LHPP: variants seen among roughly 807,000 people sequenced by gnomAD.
LHPP encodes phospholysine phosphohistidine inorganic pyrophosphate phosphatase.
In LHPP, 24 loss-of-function variants were observed where a neutral mutation model predicts 30.3. The observed-to-expected ratio is 0.79, with a 90% CI of 0.57 to 1.11. The LOEUF (loss-of-function observed/expected upper bound fraction) is 1.11. Among genes scored for constraint, LHPP ranks in the 50% most tolerant of loss-of-function variants. LHPP has a pLI of 0.00. For synonymous variants in LHPP, 150 were observed against 157.1 expected, an observed-to-expected ratio of 0.95 and a Z score of 0.34; for missense variants, 356 against 367.2, an observed-to-expected ratio of 0.97 and a Z score of 0.25.
chr10:124,510,380 C>T lies in LHPP; in HGVS notation c.625-6800C>T, dbSNP rs1398457228. ...CCTGGACAGGCATCACTGCTCCAGGCAGCTGTGCACCCAGCCGGCCCTGGC... is the reference window on the plus strand; with the variant it reads ...CCTGGACAGGCATCACTGCTCCAGGTAGCTGTGCACCCAGCCGGCCCTGGC... On this transcript the variant is annotated intron_variant, in intron 5 of 6. Coordinates refer to ENST00000368842, the MANE Select transcript of LHPP (RefSeq NM_022126.4). This position sits in a 1 kb window ranked among gnomAD's most constrained non-coding sequence, Gnocchi z 4.0. Among the ~76,000 whole-genome samples, 1 of 152,264 alleles carries T rather than the reference C, an allele frequency of 6.6e-6. No homozygotes were observed. The highest frequency in any genetic ancestry group is 1.9e-4 in the East Asian group (1 of 5,198).
At chr10:124,491,843 T>C (rs1953541501) in intron 3 of LHPP, among the ~76,000 whole-genome samples, 1 of 152,192 alleles carries the variant, frequency 6.6e-6, no homozygotes, top group African/African-American at 2.4e-5. Context: ...GAGAATTGCT[T>C]GAACCTGGGA....
chr10:124,529,060 C>G (rs1300486797), intron 6 of LHPP, among the ~76,000 whole-genome samples: 7 of 122,586 alleles, frequency 5.7e-5, no homozygotes, highest in African/African-American at 1.8e-4. Flanking sequence ...GAGACAGAGT[C>G]TTGCTCTGTC....
At chr10:124,469,940 G>T (rs759958332) in intron 1 of LHPP, among the ~76,000 whole-genome samples, 4 of 152,186 alleles carry the variant, frequency 2.6e-5, no homozygotes, top group African/African-American at 9.7e-5. Context: ...AGGCATCTGG[G>T]CTAAGAGCAT....
chr10:124,581,337 A>G (rs1009699144), intron 6 of LHPP, among the ~76,000 whole-genome samples: 5 of 152,210 alleles, frequency 3.3e-5, no homozygotes, highest in Non-Finnish European at 5.9e-5. Context: ...GCCTTTGGCT[A>G]TTGTGAGTAA....
chr10:124,461,952 C>T lies in LHPP; in HGVS notation c.90C>T (p.Gly30=), dbSNP rs1164695407. 8.1e-7 allele frequency: 1 copy of T among 1,232,404 alleles called. No individual in the cohort carries two copies. 76.3% of individuals were successfully genotyped at this position (1,232,404 alleles called of 1,614,324 possible). The part of the protein sequence containing the change: ...GVLYDSGAGG[G]TAIAGSVEAV... Reference sequence around the variant, plus strand: ...TGTACGACAGCGGCGCGGGCGGCGGCACGGCCATCGCCGGCTCGGTGGAGG... The same window carrying T: ...TGTACGACAGCGGCGCGGGCGGCGGTACGGCCATCGCCGGCTCGGTGGAGG... The change falls in exon 1 of 7, where the codon GGC becomes GGT. Residue 30 remains glycine, a synonymous_variant. Coordinates refer to ENST00000368842, the MANE Select transcript of LHPP (RefSeq NM_022126.4).
In LHPP at chr10:124,537,046, T is replaced by C. The variant is rs966052285; in HGVS notation, c.716+19775T>C. On this transcript the variant is annotated intron_variant, in intron 6 of 6. Coordinates refer to ENST00000368842, the MANE Select transcript of LHPP (RefSeq NM_022126.4). ...GAATAATCTAGCACTTAGAATGTGC[T>C]AGGGAACATACAAGCACTTTTCTCC... Among the ~76,000 whole-genome samples, 8 of 152,246 alleles carry C rather than the reference T, an allele frequency of 5.3e-5. No homozygotes were observed. The East Asian group carries it at 1.5e-3, about 29-fold the overall frequency.
intron 6 of LHPP, among the ~76,000 whole-genome samples, chr10:124,571,943 G>C (rs1948589846): frequency 6.6e-6 from 1 of 152,238 alleles, no homozygotes; most frequent in Non-Finnish European, 1.5e-5. Context: ...AAGACCTAGG[G>C]GGGTGAGTGA....
intron 3 of LHPP, among the ~76,000 whole-genome samples, chr10:124,494,875 A>G (rs1953657527): frequency 6.6e-6 from 1 of 152,068 alleles, no homozygotes; most frequent in South Asian, 2.1e-4. Flanking sequence ...AGTATCCCTG[A>G]GTCCTGCAAA....
chr10:124,470,059 C>T (rs1475555068), intron 1 of LHPP, among the ~76,000 whole-genome samples: 3 of 152,186 alleles, frequency 2.0e-5, no homozygotes, highest in Admixed American at 1.3e-4. Context: ...GGTCACAGGC[C>T]GGAGGACATC....
intron 6 of LHPP, among the ~76,000 whole-genome samples, chr10:124,521,649 C>T (rs1954615125): frequency 6.6e-6 from 1 of 152,170 alleles, no homozygotes; most frequent in Admixed American, 6.5e-5. Context: ...CAGTGAGTAA[C>T]TGCGCTCACA....
chr10:124,474,836 C>G (rs72835586), intron 1 of LHPP, among the ~76,000 whole-genome samples: 1 of 152,070 alleles, frequency 6.6e-6, no homozygotes, highest in Non-Finnish European at 1.5e-5. Flanking sequence ...TAAACTTTCC[C>G]CTCTTTCTAA....
Position 124,610,213 on chromosome 10 carries a change from T to C in LHPP, c.717-3051T>C, listed in dbSNP as rs541768623. On this transcript the variant is annotated intron_variant, in intron 6 of 6. Coordinates refer to ENST00000368842, the MANE Select transcript of LHPP (RefSeq NM_022126.4). ...CCCCTCTCCTAGATCGTAGACACCC[T>C]GTGTGGCATCACAGAATGACACACA... Among the ~76,000 whole-genome samples, 100 of 152,250 alleles carry C rather than the reference T, an allele frequency of 6.6e-4. 1 individual carries two copies. Among genetic ancestry groups the C allele is most frequent in the Non-Finnish European group, 1.6e-4 (11 of 68,038 alleles).
intron 6 of LHPP, among the ~76,000 whole-genome samples, chr10:124,587,210 T>C (rs1948816040): frequency 6.6e-6 from 1 of 151,736 alleles, no homozygotes; most frequent in South Asian, 2.1e-4. Context: ...TATTTTTGTA[T>C]TTTCAGTAGA....
chr10:124,469,511 G>C (rs558179500), intron 1 of LHPP, among the ~76,000 whole-genome samples: 7 of 100,716 alleles, frequency 7.0e-5, no homozygotes, highest in African/African-American at 2.1e-4. Flanking sequence ...CCCCTGAGGT[G>C]GGGGGGGCTT....
At chr10:124,604,296 A>C (rs1949065606) in intron 6 of LHPP, among the ~76,000 whole-genome samples, 1 of 152,102 alleles carries the variant, frequency 6.6e-6, no homozygotes, top group African/African-American at 2.4e-5. Context: ...CCTGCCAGGG[A>C]CCCAGCTCAG....
intron 6 of LHPP, among the ~76,000 whole-genome samples, chr10:124,534,313 G>A (rs1013921872): frequency 2.0e-5 from 3 of 152,236 alleles, no homozygotes; most frequent in African/African-American, 7.2e-5. Flanking sequence ...TTTCTCTACC[G>A]CAGCAGGGCA....
At chr10:124,555,557 G>A (rs1948283547) in intron 6 of LHPP, among the ~76,000 whole-genome samples, 1 of 152,132 alleles carries the variant, frequency 6.6e-6, no homozygotes, top group South Asian at 2.1e-4. Flanking sequence ...CCAGCTGTGA[G>A]GTCAGCATGG....
chr10:124,601,141 A>AC (rs1372142580), intron 6 of LHPP, among the ~76,000 whole-genome samples: 2 of 151,952 alleles, frequency 1.3e-5, no homozygotes, highest in African/African-American at 4.8e-5. Context: ...ATTCAGAGAC[A>AC]CCCCCAGGGG....
rs941679992 is a variant in LHPP at position 124,510,112 on chromosome 10, C to T, written c.625-7068C>T. Among the ~76,000 whole-genome samples the T allele has an allele frequency of 6.6e-6, 1 of 152,052 alleles. No homozygotes were observed. The highest frequency in any genetic ancestry group is 1.5e-5 in the Non-Finnish European group (1 of 67,992). ...GGGTCCGACCTTTCATTTTTTTCTCCGCCTCACACCCCACCATGTCGTGTC... is the reference window on the plus strand; with the variant it reads ...GGGTCCGACCTTTCATTTTTTTCTCTGCCTCACACCCCACCATGTCGTGTC... On this transcript the variant is annotated intron_variant, in intron 5 of 6. Transcript: ENST00000368842. The surrounding 1 kb of genome is among the most constrained non-coding windows in gnomAD (Gnocchi z 4.0).
Sources: allele counts gnomAD v4.1 joint callset (sites outside exome capture counted in the v4.1 genomes callset), GRCh38; gene constraint gnomAD v4.1.1; non-coding constraint Gnocchi (gnomAD v3.1); transcripts MANE v1.5; gene names NCBI Gene and HGNC (gene_info 2026-07-23, HGNC 2026-07-21).